Variants in COLEC10 observed in about 807,000 individuals in gnomAD.
The protein encoded by COLEC10 is collectin subfamily member 10.
Under a neutral mutation model 28.4 loss-of-function variants are expected in COLEC10, and 22 were observed. The ratio of observed to expected loss-of-function variants is 0.78; its 90% CI spans 0.55 to 1.11. The LOEUF (loss-of-function observed/expected upper bound fraction) is 1.11. Among genes scored for constraint, COLEC10 ranks in the 50% least tolerant of loss-of-function variants. The pLI, the probability that COLEC10 is intolerant of heterozygous loss-of-function variation, is 0.00. For missense variants in COLEC10, 361 were observed against 344.1 expected (o/e 1.05, Z -0.39); for synonymous variants, 125 against 116.1 (o/e 1.08, Z -0.49).
At chr8:119,065,609 C>A (rs760951764), upstream of COLEC10, among the ~76,000 whole-genome samples, 1 of 152,074 alleles carries the variant, frequency 6.6e-6, no homozygotes, top group African/African-American at 2.4e-5. Flanking sequence ...GCGATCCCAG[C>A]ACTTATGGAG....
At chr8:118,995,109 C>T (rs1258717074), upstream of COLEC10, among the ~76,000 whole-genome samples, 1 of 152,184 alleles carries the variant, frequency 6.6e-6, no homozygotes, top group African/African-American at 2.4e-5. Flanking sequence ...AGAAGCCTAA[C>T]ATAAATACTA....
intron 2 of COLEC10, among the ~76,000 whole-genome samples, chr8:119,047,210 T>C (rs983498465): frequency 1.3e-5 from 2 of 152,204 alleles, no homozygotes; most frequent in African/African-American, 4.8e-5. Context: ...CGTATTTGTA[T>C]CTGTAGAAGG....
chr8:119,065,221 G>A (rs78726691), upstream of COLEC10, among the ~76,000 whole-genome samples: 1,731 of 152,196 alleles, frequency 0.011, 30 homozygotes, highest in African/African-American at 0.037. Context: ...GGAGGTGTGC[G>A]GTGGGTGAGC....
At chr8:118,959,888 AT>A in the COLEC10 span, among the ~76,000 whole-genome samples, 1 of 152,160 alleles carries the variant, frequency 6.6e-6, no homozygotes, top group African/African-American at 2.4e-5. Context: ...TTTCACATGG[AT>A]TTTAAAAAGC....
At chr8:119,057,846 C>T (rs949611871) in intron 2 of COLEC10, among the ~76,000 whole-genome samples, 4 of 151,944 alleles carry the variant, frequency 2.6e-5, no homozygotes, top group African/African-American at 9.7e-5. Context: ...GAACTTGCCT[C>T]CAGCTCCATT....
At chr8:119,071,462 G>C (rs1485294) in intron 1 of COLEC10, among the ~76,000 whole-genome samples, 100,565 of 151,972 alleles carry the variant, frequency 0.66, 34,048 homozygotes, top group African/African-American at 0.8. Flanking sequence ...GACTCAGGAC[G>C]TTGGCTCTTG....
chr8:119,083,188 C>T (rs72682426), intron 1 of COLEC10, among the ~76,000 whole-genome samples: 10,392 of 152,234 alleles, frequency 0.068, 468 homozygotes, highest in Middle Eastern at 0.18. Flanking sequence ...GCTCAAGTCA[C>T]GTGTTCTGGG....
At chr8:119,102,181 G>T (rs1815842435) in intron 3 of COLEC10, among the ~76,000 whole-genome samples, 167 bp from the exon 4 acceptor site, 1 of 151,746 alleles carries the variant, frequency 6.6e-6, no homozygotes, top group Admixed American at 6.6e-5. Flanking sequence ...AATTTAAACT[G>T]CTTTGACTCT....
chr8:118,986,032 C>T, the COLEC10 span, among the ~76,000 whole-genome samples: 28 of 152,146 alleles, frequency 1.8e-4, no homozygotes, highest in Middle Eastern at 3.4e-3. Context: ...AGAAAGGCTC[C>T]GTGACAGACT....
At chr8:119,091,287 C>T in intron 3 of COLEC10, 67 bp downstream of exon 3, 1 of 1,164,566 alleles carries the variant, frequency 8.6e-7, no homozygotes, top group Non-Finnish European at 1.3e-6. Flanking sequence ...CGATGGCTCA[C>T]ACCAGTAATC....
the COLEC10 span, among the ~76,000 whole-genome samples, chr8:118,955,589 A>C: frequency 5.3e-5 from 8 of 152,244 alleles, no homozygotes; most frequent in Admixed American, 3.9e-4. Context: ...TCACATGAAA[A>C]GAAATAAGTG....
chr8:119,093,582 T>G (rs1342520938), intron 3 of COLEC10, among the ~76,000 whole-genome samples: 1 of 152,196 alleles, frequency 6.6e-6, no homozygotes, highest in Non-Finnish European at 1.5e-5. Context: ...TGGGTTCACA[T>G]GGCCATATAC....
intron 2 of COLEC10, among the ~76,000 whole-genome samples, chr8:119,028,489 G>C (rs890145218): frequency 6.6e-6 from 1 of 152,082 alleles, no homozygotes; most frequent in South Asian, 2.1e-4. Context: ...AGCAGCAAGA[G>C]AAAATAAGGA....
chr8:119,024,575 C>T (rs1202340133), intron 2 of COLEC10, among the ~76,000 whole-genome samples: 1 of 85,934 alleles, frequency 1.2e-5, no homozygotes, highest in Non-Finnish European at 2.1e-5. Context: ...CATATATGCA[C>T]ACATACACAC....
At chr8:119,004,455 C>T (rs1245119719) in intron 1 of COLEC10, among the ~76,000 whole-genome samples, 1 of 151,654 alleles carries the variant, frequency 6.6e-6, no homozygotes, top group African/African-American at 2.4e-5. Flanking sequence ...ATTTTTCTCT[C>T]CTCATAATGG....
rs564252180 is a variant in COLEC10, at chr8:119,007,461, A to G, written n.123-1980A>G. Among the ~76,000 whole-genome samples, 4 of 151,558 alleles carry G rather than the reference A, an allele frequency of 2.6e-5. No individual in the cohort carries two copies. In the East Asian group the frequency reaches 7.7e-4, roughly 29 times the overall value. On this transcript the variant is annotated intron_variant and non_coding_transcript_variant, in intron 1 of 6. Transcript: ENST00000521788. ...AGGTTCTAGGAGGAAAACGTTTAGA[A>G]ATTATTGGGATTTACCCATTTTGGT... is the stretch of plus-strand genomic sequence containing the variant.
chr8:119,091,912 T>C (rs892555168), intron 3 of COLEC10, among the ~76,000 whole-genome samples: 2 of 152,178 alleles, frequency 1.3e-5, no homozygotes, highest in Non-Finnish European at 2.9e-5. Context: ...AAATGATACA[T>C]GATTATTAAT....
the COLEC10 span, among the ~76,000 whole-genome samples, chr8:118,959,504 A>T: frequency 6.6e-6 from 1 of 152,198 alleles, no homozygotes; most frequent in East Asian, 1.9e-4. Flanking sequence ...GAAAATATAT[A>T]CAAGGCACTT....
chr8:118,991,286 C>T (rs1323686228), upstream of COLEC10, among the ~76,000 whole-genome samples: 2 of 152,122 alleles, frequency 1.3e-5, no homozygotes, highest in Admixed American at 1.3e-4. Flanking sequence ...ATATGTACCT[C>T]CCTGTGTCCT....
Sources: allele counts gnomAD v4.1 joint callset (sites outside exome capture counted in the v4.1 genomes callset), GRCh38; gene constraint gnomAD v4.1.1; transcripts MANE v1.5; gene names NCBI Gene and HGNC (gene_info 2026-07-23, HGNC 2026-07-21).